SHBG: variants seen among roughly 807,000 people sequenced by gnomAD.
SHBG encodes sex hormone binding globulin, also known as sex hormone-binding globulin.
A neutral mutation model predicts 41.9 loss-of-function variants in SHBG; 37 were observed. The observed-to-expected ratio is 0.88, with a 90% CI of 0.68 to 1.16. The LOEUF (loss-of-function observed/expected upper bound fraction) is 1.16, where lower values mean the gene tolerates loss of function less well. Ranked by LOEUF, SHBG falls within the 50% of genes most tolerant of loss-of-function variation. The probability of loss-of-function intolerance (pLI) is 0.00; values close to 1 mark genes in which losing one functional copy is unlikely to be tolerated. For synonymous variants in SHBG, 217 were observed against 205.8 expected, an observed-to-expected ratio of 1.05 and a Z score of -0.47; for missense variants, 466 against 499.9, an observed-to-expected ratio of 0.93 and a Z score of 0.65.
chr17:7,617,153 T>A (rs978219758), intron 1 of SHBG, among the ~76,000 whole-genome samples: 9 of 152,100 alleles, frequency 5.9e-5, no homozygotes, highest in African/African-American at 1.4e-4. Context: ...ACTTTTATTT[T>A]TTTTTTGCCC....
At chr17:7,622,519 C>T (rs965637241) in intron 1 of SHBG, among the ~76,000 whole-genome samples, 12 of 151,886 alleles carry the variant, frequency 7.9e-5, no homozygotes, top group African/African-American at 1.2e-4. Context: ...GTGATCTGCC[C>T]ACCTTGGCCT....
At chr17:7,629,081 C>T (rs55968448), upstream of SHBG, among the ~76,000 whole-genome samples, 3,767 of 149,958 alleles carry the variant, frequency 0.025, 66 homozygotes, top group South Asian at 0.091. Flanking sequence ...AAATAAAATG[C>T]GTCAGGGAGG....
At chr17:7,620,313 G>T (rs969616678) in intron 1 of SHBG, among the ~76,000 whole-genome samples, 1 of 151,864 alleles carries the variant, frequency 6.6e-6, no homozygotes, top group Non-Finnish European at 1.5e-5. Context: ...TAAAAAATTT[G>T]TTGTTTGTTT....
At chr17:7,614,195 A>AG in intron 1 of SHBG, 1 of 673,252 alleles carries the variant, frequency 1.5e-6, no homozygotes. Context: ...GCGCCAAGCC[A>AG]GGGACAATAA....
upstream of SHBG, chr17:7,626,312 C>T: frequency 1.1e-6 from 1 of 919,112 alleles, no homozygotes; most frequent in South Asian, 1.6e-5. Context: ...TCTTCCAATA[C>T]TTGAGGATAG....
At chr17:7,626,579 C>T, upstream of SHBG, 1 of 1,614,060 alleles carries the variant, frequency 6.2e-7, no homozygotes, top group Admixed American at 1.7e-5. Context: ...CCAGGACGGC[C>T]AGGCGGAATT....
chr17:7,627,422 G>A, upstream of SHBG: 1 of 1,614,040 alleles, frequency 6.2e-7, no homozygotes, highest in Non-Finnish European at 8.5e-7. The surrounding 1 kb of genome is among the most constrained non-coding windows in gnomAD (Gnocchi z 4.8). Flanking sequence ...CTCCTAAGGC[G>A]TGGGTACGGA....
In SHBG at chr17:7,632,028, A is replaced by G. The variant is rs755682287; in HGVS notation, c.852+13A>G. On this transcript the variant is annotated intron_variant, in intron 6 of 7. Transcript: ENST00000380450. ...CCTCCAAGATCAAGTAAAGGGGGAC[A>G]GTGGGGCATTGCCTGTATTCAGTGG... The G allele has an allele frequency of 4.3e-6, 7 of 1,612,458 alleles. No homozygotes were observed. The highest frequency in any genetic ancestry group is 1.6e-4 in the Middle Eastern group (1 of 6,084).
At chr17:7,626,945 C>G (rs763612506), upstream of SHBG, 27 of 1,613,422 alleles carry the variant, frequency 1.7e-5, no homozygotes, top group South Asian at 2.9e-4. Context: ...CCCAGTACCC[C>G]GATATTCCGG....
At chr17:7,616,563 T>A (rs1296042397) in intron 1 of SHBG, among the ~76,000 whole-genome samples, 1 of 150,292 alleles carries the variant, frequency 6.7e-6, no homozygotes, top group Non-Finnish European at 1.5e-5. Flanking sequence ...AGGCGGAGGT[T>A]GCAGTGAGCG....
At chr17:7,615,027 C>A (rs2071942858) in intron 1 of SHBG, among the ~76,000 whole-genome samples, 2 of 152,198 alleles carry the variant, frequency 1.3e-5, no homozygotes, top group Non-Finnish European at 2.9e-5. Context: ...CTCTCTCACT[C>A]CCCCTCCTGG....
At chr17:7,624,916 C>T (rs2072165273), upstream of SHBG, among the ~76,000 whole-genome samples, 1 of 150,286 alleles carries the variant, frequency 6.7e-6, no homozygotes, top group African/African-American at 2.5e-5. Context: ...CTCCCAAAAT[C>T]CAAAATGCTG....
At chr17:7,627,950 C>T, upstream of SHBG, 1 of 538,004 alleles carries the variant, frequency 1.9e-6, no homozygotes. The surrounding 1 kb of genome is among the most constrained non-coding windows in gnomAD (Gnocchi z 4.8). Context: ...CCAAGCCCCA[C>T]CCCCGACAGC....
chr17:7,618,169 A>G (rs2150955109), intron 1 of SHBG, among the ~76,000 whole-genome samples: 1 of 148,140 alleles, frequency 6.8e-6, no homozygotes, highest in Non-Finnish European at 1.5e-5. Context: ...CAGTGAGCCG[A>G]GATCACACCA....
chr17:7,616,498 G>A (rs988424535), intron 1 of SHBG, among the ~76,000 whole-genome samples: 1 of 147,720 alleles, frequency 6.8e-6, no homozygotes, highest in Non-Finnish European at 1.5e-5. Context: ...GGTGGCGGGC[G>A]CCTGTAGTCC....
chr17:7,618,851 G>A (rs970996097), intron 1 of SHBG, among the ~76,000 whole-genome samples: 1 of 152,136 alleles, frequency 6.6e-6, no homozygotes, highest in Non-Finnish European at 1.5e-5. Context: ...CTGGACTGGA[G>A]CAGGTCTAAG....
chr17:7,614,111 G>A (rs1348423495), exon 1 of SHBG: 1 of 541,658 alleles, frequency 1.8e-6, no homozygotes, highest in African/African-American at 1.9e-5. Flanking sequence ...TAAGGTCTAA[G>A]GTATGTCTTC....
rs749764158 is a variant in SHBG, at chr17:7,631,653, C to T, written c.620C>T (p.Ser207Leu). The T allele has an allele frequency of 9.3e-6, 15 of 1,614,144 alleles. No homozygotes were observed. In the South Asian group the frequency reaches 1.5e-4, roughly 17 times the overall value. ...TGGCTGGACAAACAGGCCGAGATCT[C>T]AGCATCTGCCCCCACTAGCCTCAGA... Reference protein sequence around the residue: ...DSWLDKQAEISASAPTSLRSC... With the variant: ...DSWLDKQAEILASAPTSLRSC... The change falls in exon 5 of 8, where the codon TCA (serine) becomes TTA (leucine). Residue 207 changes from serine to leucine, a missense_variant. Coordinates refer to ENST00000380450, the MANE Select transcript of SHBG (RefSeq NM_001040.5).
intron 1 of SHBG, among the ~76,000 whole-genome samples, chr17:7,617,250 T>C (rs1472386063): frequency 6.6e-6 from 1 of 152,046 alleles, no homozygotes; most frequent in Non-Finnish European, 1.5e-5. Flanking sequence ...TCTGACTTCA[T>C]AGTGTGATGG....
Sources: gnomAD v4.1 joint callset for allele counts (sites outside exome capture counted in the v4.1 genomes callset) on GRCh38, gnomAD v4.1.1 for gene constraint, Gnocchi (gnomAD v3.1) non-coding constraint, MANE v1.5 for transcripts, NCBI Gene and HGNC (gene_info 2026-07-23, HGNC 2026-07-21) for gene names.